Variants in LRP1B observed in about 807,000 individuals in gnomAD.
LRP1B encodes low-density lipoprotein receptor-related protein 1B.
LRP1B carries 217 observed loss-of-function variants against 556.6 expected under a neutral mutation model. The ratio of observed to expected loss-of-function variants is 0.39; its 90% confidence interval spans 0.35 to 0.44. LRP1B has a LOEUF of 0.44. Ranked by LOEUF, LRP1B falls within the 20% of genes least tolerant of loss-of-function variation. LRP1B has a pLI of 1.00. For missense variants in LRP1B, 5,053 were observed against 5,620.8 expected (o/e 0.90, Z 3.23); for synonymous variants, 2,047 against 1,865.8 (o/e 1.10, Z -2.50).
intron 80 of LRP1B, among the ~76,000 whole-genome samples, chr2:140,325,432 A>AAGTT (rs1680421690): frequency 6.6e-6 from 1 of 152,136 alleles, no homozygotes; most frequent in Non-Finnish European, 1.5e-5. Context: ...ATTGAAATAA[A>AAGTT]AGTTAGTGTC....
At chr2:142,005,353 A>C (rs1198544959) in intron 1 of LRP1B, among the ~76,000 whole-genome samples, 2 of 152,004 alleles carry the variant, frequency 1.3e-5, no homozygotes, top group Non-Finnish European at 2.9e-5. Flanking sequence ...CATTCCGGGC[A>C]TTTTCAGACC....
chr2:140,540,799 C>A (rs1680104882), intron 45 of LRP1B, among the ~76,000 whole-genome samples, 174 bp downstream of exon 45: 1 of 152,054 alleles, frequency 6.6e-6, no homozygotes, highest in South Asian at 2.1e-4. Context: ...AGCACATGGT[C>A]CTATAACTAA....
At chr2:141,223,572 TAAGCCAATCCC>T (rs1487579624) in intron 6 of LRP1B, among the ~76,000 whole-genome samples, 1 of 152,078 alleles carries the variant, frequency 6.6e-6, no homozygotes, top group African/African-American at 2.4e-5. Flanking sequence ...CCTGTATAAC[TAAGCCAATCCC>T]AAGAAAAAGA....
chr2:140,661,023 C>G (rs536999105), intron 41 of LRP1B, among the ~76,000 whole-genome samples: 9 of 151,860 alleles, frequency 5.9e-5, no homozygotes, highest in African/African-American at 2.2e-4. Context: ...TCTATGAAAC[C>G]CATTTGCCCT....
chr2:141,850,034 A>G (rs1247316165), intron 1 of LRP1B, among the ~76,000 whole-genome samples: 1 of 151,682 alleles, frequency 6.6e-6, no homozygotes, highest in Non-Finnish European at 1.5e-5. Flanking sequence ...AATAGCAAAA[A>G]CCATCAGTAG....
intron 2 of LRP1B, among the ~76,000 whole-genome samples, chr2:141,587,390 T>C (rs1687180327): frequency 6.6e-6 from 1 of 152,254 alleles, no homozygotes; most frequent in African/African-American, 2.4e-5. Flanking sequence ...TGCTACTTTC[T>C]ATAAATAGTG....
At chr2:140,290,676 C>T (rs984240422) in intron 84 of LRP1B, among the ~76,000 whole-genome samples, 1 of 152,054 alleles carries the variant, frequency 6.6e-6, no homozygotes, top group African/African-American at 2.4e-5. Context: ...ACTTTGGTCG[C>T]TTTTAGCTGG....
intron 45 of LRP1B, among the ~76,000 whole-genome samples, chr2:140,538,465 G>C (rs1680011957): frequency 6.6e-6 from 1 of 152,020 alleles, no homozygotes; most frequent in Admixed American, 6.6e-5. Flanking sequence ...TTATAAATTA[G>C]AACACGTGGT....
chr2:141,820,570 A>G (rs1332415314), intron 1 of LRP1B, among the ~76,000 whole-genome samples: 1 of 152,204 alleles, frequency 6.6e-6, no homozygotes, highest in African/African-American at 2.4e-5. Context: ...TTGAGGAATG[A>G]AAAGAATTTA....
At chr2:140,655,494 T>C (rs1684846585) in intron 41 of LRP1B, among the ~76,000 whole-genome samples, 1 of 152,186 alleles carries the variant, frequency 6.6e-6, no homozygotes, top group Admixed American at 6.5e-5. Context: ...TTTCAGTTAT[T>C]CATGAATTTA....
intron 1 of LRP1B, among the ~76,000 whole-genome samples, chr2:141,932,278 T>C (rs1700529901): frequency 6.6e-6 from 1 of 152,118 alleles, no homozygotes; most frequent in African/African-American, 2.4e-5. Flanking sequence ...ATAGCTGTTT[T>C]TTAAACATTA....
At chr2:141,630,197 A>G (rs1688858753) in intron 2 of LRP1B, among the ~76,000 whole-genome samples, 2 of 152,160 alleles carry the variant, frequency 1.3e-5, no homozygotes, top group African/African-American at 2.4e-5. Context: ...ACCATCACAC[A>G]CAGGAAACTA....
intron 43 of LRP1B, among the ~76,000 whole-genome samples, chr2:140,550,237 C>G (rs1205229741): frequency 6.6e-6 from 1 of 152,088 alleles, no homozygotes; most frequent in Admixed American, 6.6e-5. Flanking sequence ...GTTTCTTCAT[C>G]TGTTTTCTTT....
chr2:141,209,912 A>G (rs957484562), intron 6 of LRP1B, among the ~76,000 whole-genome samples: 1 of 152,182 alleles, frequency 6.6e-6, no homozygotes, highest in Non-Finnish European at 1.5e-5. Flanking sequence ...GCAATTATGC[A>G]AAAAAGTGTT....
intron 11 of LRP1B, among the ~76,000 whole-genome samples, chr2:141,036,897 A>C (rs1239531919): frequency 6.6e-6 from 1 of 152,052 alleles, no homozygotes; most frequent in Non-Finnish European, 1.5e-5. Context: ...ATGGGGCAGA[A>C]AATTATCTCC....
chr2:141,951,927 T>C (rs1213256768), intron 1 of LRP1B, among the ~76,000 whole-genome samples: 3 of 151,994 alleles, frequency 2.0e-5, no homozygotes, highest in African/African-American at 4.8e-5. Context: ...ATGTGCCATG[T>C]TGGTGTGCTG....
chr2:140,910,538 C>T (rs1408744394), intron 21 of LRP1B, among the ~76,000 whole-genome samples: 1 of 151,106 alleles, frequency 6.6e-6, no homozygotes, highest in Non-Finnish European at 1.5e-5. Flanking sequence ...AGTCAATAAG[C>T]CAGAAAAAAA....
chr2:141,854,758 A>C (rs1465235375), intron 1 of LRP1B, among the ~76,000 whole-genome samples: 1 of 152,072 alleles, frequency 6.6e-6, no homozygotes, highest in Non-Finnish European at 1.5e-5. Flanking sequence ...ATGAATAATA[A>C]ACATTACTAA....
At chr2:141,264,954 G>C (rs1037061722) in intron 3 of LRP1B, among the ~76,000 whole-genome samples, 17 of 152,172 alleles carry the variant, frequency 1.1e-4, no homozygotes, top group Admixed American at 7.8e-4. Context: ...CGGAGCCCCA[G>C]ATATCACTGG....
Sources: allele counts gnomAD v4.1 joint callset (sites outside exome capture counted in the v4.1 genomes callset), GRCh38; gene constraint gnomAD v4.1.1; transcripts MANE v1.5; gene names NCBI Gene and HGNC (gene_info 2026-07-23, HGNC 2026-07-21).